Variants in ORC5 observed in about 807,000 individuals in gnomAD.
The protein encoded by ORC5 is origin recognition complex subunit 5, also known as protein phosphatase 1, regulatory subunit 117.
ORC5 carries 39 observed loss-of-function variants against 58.8 expected under a neutral mutation model. That is an observed-to-expected ratio of 0.66 (90% CI 0.51 to 0.87). The LOEUF (loss-of-function observed/expected upper bound fraction) is 0.87. Among genes scored for constraint, ORC5 ranks in the 40% least tolerant of loss-of-function variants. ORC5 has a pLI of 0.00. For missense variants in ORC5, 493 were observed against 506.3 expected (o/e 0.97, Z 0.25); for synonymous variants, 218 against 177.6 (o/e 1.23, Z -1.81).
At chr7:104,149,744 C>A (rs1410404925) in intron 12 of ORC5, among the ~76,000 whole-genome samples, 1 of 152,166 alleles carries the variant, frequency 6.6e-6, no homozygotes, top group African/African-American at 2.4e-5. Context: ...CAGCAGCATT[C>A]TGACACTGCT....
At chr7:104,156,560 C>T (rs529718501) in intron 12 of ORC5, among the ~76,000 whole-genome samples, 9 of 151,732 alleles carry the variant, frequency 5.9e-5, no homozygotes, top group African/African-American at 2.2e-4. Flanking sequence ...ACTTTTGCTT[C>T]AGGAGAATTC....
intron 8 of ORC5, among the ~76,000 whole-genome samples, chr7:104,180,281 T>C (rs575759288): frequency 1.3e-5 from 2 of 152,324 alleles, no homozygotes; most frequent in African/African-American, 4.8e-5. Flanking sequence ...AAGAGGTTTT[T>C]CTTTACTTTT....
chr7:104,173,350 A>C (rs1446031899), intron 8 of ORC5, among the ~76,000 whole-genome samples: 1 of 152,230 alleles, frequency 6.6e-6, no homozygotes, highest in Admixed American at 6.5e-5. Context: ...AGTTTACTAC[A>C]GCATATGCAT....
chr7:104,126,981 T>C (rs1401053585), intron 13 of ORC5, 88 bp from the exon 14 acceptor site: 1 of 850,136 alleles, frequency 1.2e-6, no homozygotes, highest in Non-Finnish European at 1.9e-6. Context: ...GCAAAATAAT[T>C]CATGACTAAT....
intron 8 of ORC5, among the ~76,000 whole-genome samples, chr7:104,174,033 A>G (rs1799270757): frequency 6.6e-6 from 1 of 150,542 alleles, no homozygotes; most frequent in South Asian, 2.1e-4. Flanking sequence ...TTTAGTAGAG[A>G]CGGGGTTTCA....
chr7:104,148,344 C>T (rs906772194), intron 12 of ORC5, among the ~76,000 whole-genome samples: 2 of 152,062 alleles, frequency 1.3e-5, no homozygotes, highest in African/African-American at 4.8e-5. Flanking sequence ...TTTTGTTGGG[C>T]GAGATTAGGA....
At chr7:104,207,735 G>T in intron 1 of ORC5, 98 bp downstream of exon 1, 2 of 1,154,886 alleles carry the variant, frequency 1.7e-6, no homozygotes, top group Non-Finnish European at 1.3e-6. Flanking sequence ...CGGCCTTTTG[G>T]CCCTCAATCC....
chr7:104,173,116 T>C (rs1320241158), intron 8 of ORC5, among the ~76,000 whole-genome samples: 1 of 151,748 alleles, frequency 6.6e-6, no homozygotes, highest in East Asian at 1.9e-4. Flanking sequence ...AAAAGAACCA[T>C]CACAAAAAAC....
intron 4 of ORC5, among the ~76,000 whole-genome samples, chr7:104,196,394 T>C (rs1050811198): frequency 2.0e-5 from 3 of 152,184 alleles, no homozygotes; most frequent in Non-Finnish European, 4.4e-5. Flanking sequence ...TCAAAGAAGA[T>C]AGATCTTGAG....
At chr7:104,147,685 AC>A (rs1426652402) in intron 12 of ORC5, among the ~76,000 whole-genome samples, 6 of 152,222 alleles carry the variant, frequency 3.9e-5, no homozygotes, top group African/African-American at 1.4e-4. Context: ...GAAAAATAAT[AC>A]AACACATATG....
chr7:104,206,377 T>C (rs957007992), intron 1 of ORC5, among the ~76,000 whole-genome samples: 7 of 152,214 alleles, frequency 4.6e-5, no homozygotes, highest in African/African-American at 1.7e-4. Flanking sequence ...ATAATTTTCA[T>C]TAAAAGCAAA....
At chr7:104,198,178 T>C (rs1799847430) in intron 3 of ORC5, among the ~76,000 whole-genome samples, 1 of 152,186 alleles carries the variant, frequency 6.6e-6, no homozygotes, top group Non-Finnish European at 1.5e-5. Flanking sequence ...GAGAAATAAA[T>C]GTCTTTTCTT....
chr7:104,165,438 T>C (rs1799091639), intron 10 of ORC5, 156 bp from the exon 11 acceptor site: 1 of 493,212 alleles, frequency 2.0e-6, no homozygotes, highest in East Asian at 3.7e-5. Flanking sequence ...TATATTAGAC[T>C]TCAACATATT....
intron 12 of ORC5, among the ~76,000 whole-genome samples, chr7:104,146,038 G>T (rs553081125): frequency 1.3e-3 from 199 of 152,318 alleles, no homozygotes; most frequent in Middle Eastern, 3.4e-3. Context: ...GCAAAAGGAA[G>T]TTCTTCAAAC....
chr7:104,166,449 C>G (rs1434163667), intron 10 of ORC5, among the ~76,000 whole-genome samples: 28 of 152,194 alleles, frequency 1.8e-4, no homozygotes, highest in Admixed American at 1.8e-3. Context: ...TAATTATTCA[C>G]TACAGTGAGT....
intron 13 of ORC5, among the ~76,000 whole-genome samples, chr7:104,127,286 C>T (rs1397118812): frequency 6.6e-6 from 1 of 152,094 alleles, no homozygotes; most frequent in African/African-American, 2.4e-5. Flanking sequence ...GTTTATCTTC[C>T]GAGACACCTG....
At chr7:104,145,601 A>C (rs1056213532) in intron 12 of ORC5, among the ~76,000 whole-genome samples, 1 of 152,196 alleles carries the variant, frequency 6.6e-6, no homozygotes, top group Non-Finnish European at 1.5e-5. Flanking sequence ...AGATAAATAC[A>C]GAAGAACTTC....
intron 8 of ORC5, among the ~76,000 whole-genome samples, chr7:104,170,495 T>C (rs1451162133): frequency 6.6e-6 from 1 of 152,108 alleles, no homozygotes; most frequent in African/African-American, 2.4e-5. Context: ...AGATGGAGAA[T>C]GGAACCACAA....
chr7:104,189,285 C>CTT (rs148264458), intron 5 of ORC5, among the ~76,000 whole-genome samples: 6,767 of 152,096 alleles, frequency 0.044, 497 homozygotes, highest in African/African-American at 0.15. Flanking sequence ...GGAAAGCACT[C>CTT]AACAGGGCAG....
Sources: gnomAD v4.1 joint callset for allele counts (sites outside exome capture counted in the v4.1 genomes callset) on GRCh38, gnomAD v4.1.1 for gene constraint, MANE v1.5 for transcripts, NCBI Gene and HGNC (gene_info 2026-07-23, HGNC 2026-07-21) for gene names.